MYO1E: variants seen among roughly 807,000 people sequenced by gnomAD.
MYO1E encodes the protein myosin IE.
In MYO1E, 68 loss-of-function variants were observed where a neutral mutation model predicts 151.1. The observed-to-expected ratio is 0.45, with a 90% confidence interval of 0.37 to 0.55. MYO1E has a LOEUF of 0.55. MYO1E is among the 20% of genes least tolerant of loss of function. MYO1E has a pLI of 0.00. For synonymous variants in MYO1E, 601 were observed against 501.7 expected (o/e 1.20, Z -2.64); for missense variants, 1,363 against 1,389.3 (o/e 0.98, Z 0.30).
chr15:59,160,030 G>T (rs1185021247), intron 24 of MYO1E, among the ~76,000 whole-genome samples: 1 of 152,104 alleles, frequency 6.6e-6, no homozygotes, highest in Non-Finnish European at 1.5e-5. Flanking sequence ...ATTTAGTAGA[G>T]ACTGGGTGTT....
chr15:59,247,089 G>A lies in MYO1E; in HGVS notation c.332+9195C>T, dbSNP rs117947801. Among the ~76,000 whole-genome samples, 49 of 152,302 alleles carry A rather than the reference G, an allele frequency of 3.2e-4. No homozygotes were observed. The East Asian group carries it at 8.3e-3, about 26-fold the overall frequency. The stretch of plus-strand genomic sequence containing the variant: ...TGCGCATCTGTGGTCCCAGCTACTC[G>A]CGAGGCTGAGGTGGGAGGATCGCTT... On this transcript the variant is annotated intron_variant, in intron 4 of 27. Transcript: ENST00000288235.
At chr15:59,347,540 G>A (rs1489226117) in intron 1 of MYO1E, among the ~76,000 whole-genome samples, 1 of 151,968 alleles carries the variant, frequency 6.6e-6, no homozygotes, top group Non-Finnish European at 1.5e-5. Context: ...CACTTAAAAA[G>A]GAATTTAATT....
intron 4 of MYO1E, among the ~76,000 whole-genome samples, chr15:59,240,688 C>T (rs184849003): frequency 6.6e-6 from 1 of 152,336 alleles, no homozygotes; most frequent in Non-Finnish European, 1.5e-5. Context: ...CCCCATCCCC[C>T]ATTTCTGATC....
At chr15:59,370,658 A>G (rs2080939261) in intron 1 of MYO1E, among the ~76,000 whole-genome samples, 2 of 152,120 alleles carry the variant, frequency 1.3e-5, no homozygotes, top group Admixed American at 1.3e-4. Context: ...CCAACCCTCT[A>G]CTTCATCTGC....
rs2079374543 is a variant in MYO1E at position 59,136,616 on chromosome 15, T to C, written c.*764A>G. The C allele has an allele frequency of 4.5e-6, 2 of 440,974 alleles. No individual in the cohort carries two copies. The highest frequency in any genetic ancestry group is 9.2e-6 in the Non-Finnish European group (2 of 217,484). The allele number at this position is 440,974 out of a possible 1,614,324, so 27.3% of individuals were successfully genotyped here. ...TCTACCATCTCAAGATTTTTATATA[T>C]ACAGTATATGATCTGTTTTTATAAA... is the stretch of plus-strand genomic sequence containing the variant. On this transcript the variant is annotated 3_prime_UTR_variant, in exon 28 of 28. Coordinates refer to ENST00000288235, the MANE Select transcript of MYO1E (RefSeq NM_004998.4).
At chr15:59,151,555 T>C (rs2079478997) in intron 26 of MYO1E, among the ~76,000 whole-genome samples, 1 of 152,216 alleles carries the variant, frequency 6.6e-6, no homozygotes, top group Non-Finnish European at 1.5e-5. Flanking sequence ...GTAAAGCTCT[T>C]AAGAGCTCTG....
intron 16 of MYO1E, among the ~76,000 whole-genome samples, chr15:59,201,698 C>G (rs1403289960): frequency 1.3e-5 from 2 of 152,178 alleles, no homozygotes; most frequent in Non-Finnish European, 2.9e-5. Context: ...GCCACCGCAC[C>G]CAGCCCACAA....
At position 59,261,524 on chromosome 15, in the gene MYO1E, G is replaced by C; in HGVS notation, c.148-15C>G. On this transcript the variant is annotated splice_polypyrimidine_tract_variant and intron_variant, in intron 2 of 27. Coordinates refer to ENST00000288235, the MANE Select transcript of MYO1E (RefSeq NM_004998.4). ...CCTATATATGTCTGAATTTAACTCAGTTAAGGTCCATCATTAATATTCATA... is the reference window on the plus strand; with the variant it reads ...CCTATATATGTCTGAATTTAACTCACTTAAGGTCCATCATTAATATTCATA... The C allele has an allele frequency of 6.7e-7, 1 of 1,500,962 alleles. No homozygotes were observed. Among genetic ancestry groups the C allele is most frequent in the South Asian group, 1.1e-5 (1 of 88,642 alleles). The allele number at this position is 1,500,962 out of a possible 1,614,324, so 93.0% of individuals were successfully genotyped here.
rs367646027 is a variant in MYO1E, at chr15:59,300,298, A to G, written c.4-27849T>C. ...ATGGCTCTGCCTGCCCAGCACGCGC[A>G]CACACACACACACACAGACACACAC... On this transcript the variant is annotated intron_variant, in intron 1 of 27. Transcript: ENST00000288235. 1.6e-4 allele frequency among the ~76,000 whole-genome samples: 24 copies of G among 147,292 alleles called. No individual in the cohort carries two copies. The East Asian group carries it at 2.5e-3, about 16-fold the overall frequency.
intron 17 of MYO1E, among the ~76,000 whole-genome samples, chr15:59,190,636 T>C (rs1359602236): frequency 6.6e-6 from 1 of 152,238 alleles, no homozygotes; most frequent in African/African-American, 2.4e-5. Flanking sequence ...GCTGCGCCAC[T>C]GGCCCTGCCA....
chr15:59,157,097 G>A (rs1467114943), intron 25 of MYO1E, among the ~76,000 whole-genome samples: 5 of 151,754 alleles, frequency 3.3e-5, no homozygotes, highest in Non-Finnish European at 7.4e-5. Flanking sequence ...GTGGTGGTGC[G>A]TGCCTGTAGT....
rs138525770 is a variant in MYO1E at position 59,139,368 on chromosome 15, C to T, written c.3081-1001G>A. On this transcript the variant is annotated intron_variant, in intron 26 of 27. Coordinates refer to ENST00000288235, the MANE Select transcript of MYO1E (RefSeq NM_004998.4). The stretch of plus-strand genomic sequence containing the variant: ...ATTACTCCTCACACTTACCTCCCAC[C>T]GCTCATTGTTACTCATCACACTTCC... 1.6e-3 allele frequency among the ~76,000 whole-genome samples: 230 copies of T among 145,204 alleles called. 3 individuals are homozygous for T. The highest frequency in any genetic ancestry group is 5.2e-3 in the Admixed American group (76 of 14,678).
At chr15:59,326,496 C>T (rs1211373652) in intron 1 of MYO1E, among the ~76,000 whole-genome samples, 1 of 152,194 alleles carries the variant, frequency 6.6e-6, no homozygotes, top group African/African-American at 2.4e-5. Flanking sequence ...GCACTCCAGC[C>T]TGGCGACAGA....
At chr15:59,293,184 G>C (rs2080429825) in intron 1 of MYO1E, among the ~76,000 whole-genome samples, 1 of 152,132 alleles carries the variant, frequency 6.6e-6, no homozygotes, top group Non-Finnish European at 1.5e-5. Flanking sequence ...CTACCAGATG[G>C]AAGGCACACT....
intron 1 of MYO1E, among the ~76,000 whole-genome samples, chr15:59,334,927 C>G (rs2080719408): frequency 6.6e-6 from 1 of 152,164 alleles, no homozygotes; most frequent in Non-Finnish European, 1.5e-5. Flanking sequence ...CTTTCAGAAA[C>G]CTCATAGAGA....
chr15:59,323,039 G>A (rs1213517654), intron 1 of MYO1E, among the ~76,000 whole-genome samples: 2 of 151,176 alleles, frequency 1.3e-5, no homozygotes, highest in Non-Finnish European at 2.9e-5. Context: ...TATGGTGGTG[G>A]GCACCTGTAG....
chr15:59,154,794 G>A (rs1422268136), intron 25 of MYO1E, among the ~76,000 whole-genome samples: 6 of 152,150 alleles, frequency 3.9e-5, no homozygotes, highest in Non-Finnish European at 7.3e-5. Context: ...TTCCAGCTCC[G>A]ACAAGCATTT....
chr15:59,250,486 G>A (rs894025239), intron 4 of MYO1E, among the ~76,000 whole-genome samples: 3 of 152,120 alleles, frequency 2.0e-5, no homozygotes, highest in Admixed American at 6.6e-5. Flanking sequence ...ACTCCACCTC[G>A]GGACCCTCCC....
chr15:59,372,471 T>G, intron 1 of MYO1E, 27 bp downstream of exon 1: 1 of 1,537,984 alleles, frequency 6.5e-7, no homozygotes, highest in Non-Finnish European at 8.7e-7. Flanking sequence ...GGGTCCGGCG[T>G]CCTAGGACGC....
Sources: gnomAD v4.1 joint callset for allele counts (sites outside exome capture counted in the v4.1 genomes callset) on GRCh38, gnomAD v4.1.1 for gene constraint, MANE v1.5 for transcripts, NCBI Gene and HGNC (gene_info 2026-07-23, HGNC 2026-07-21) for gene names.